USP32: variants seen among roughly 807,000 people sequenced by gnomAD.
The protein encoded by USP32 is ubiquitin specific peptidase 32.
A neutral mutation model predicts 204.8 loss-of-function variants in USP32; 59 were observed. The ratio of observed to expected loss-of-function variants is 0.29; its 90% CI spans 0.23 to 0.36. The LOEUF is 0.36. USP32 is among the 10% of genes least tolerant of loss of function. The pLI is 1.00. For missense variants in USP32, 1,160 were observed against 1,946.4 expected (o/e 0.60, Z 7.60); for synonymous variants, 517 against 678.4 (o/e 0.76, Z 3.70).
chr17:60,314,673 A>G (rs1352557033), intron 2 of USP32, among the ~76,000 whole-genome samples: 1 of 152,160 alleles, frequency 6.6e-6, no homozygotes, highest in Non-Finnish European at 1.5e-5. Context: ...GAACAGAAAC[A>G]TATTTGAAGA....
intron 2 of USP32, among the ~76,000 whole-genome samples, chr17:60,332,801 C>T (rs924153576): frequency 6.6e-6 from 1 of 152,194 alleles, no homozygotes; most frequent in African/African-American, 2.4e-5. Flanking sequence ...AACATGCATG[C>T]TATTTTTTCC....
At chr17:60,384,141 T>C (rs1269010170) in intron 1 of USP32, among the ~76,000 whole-genome samples, 2 of 152,250 alleles carry the variant, frequency 1.3e-5, no homozygotes. Flanking sequence ...TCTAGATTTT[T>C]CAGTTTAGTA....
At chr17:60,320,533 C>T (rs755212204) in intron 2 of USP32, among the ~76,000 whole-genome samples, 2 of 152,080 alleles carry the variant, frequency 1.3e-5, no homozygotes, top group Non-Finnish European at 2.9e-5. Context: ...ACGTGCACAC[C>T]GTTGGGATGA....
intron 1 of USP32, among the ~76,000 whole-genome samples, chr17:60,386,256 G>C (rs2089728698): frequency 6.6e-6 from 1 of 151,574 alleles, no homozygotes; most frequent in Non-Finnish European, 1.5e-5. Flanking sequence ...GCATAAACAA[G>C]CTCTGAAAGG....
At chr17:60,236,876 C>T (rs1005443747) in intron 11 of USP32, among the ~76,000 whole-genome samples, 1 of 152,100 alleles carries the variant, frequency 6.6e-6, no homozygotes, top group African/African-American at 2.4e-5. Flanking sequence ...GCCTCTTTGA[C>T]TTTGCGTGTT....
chr17:60,389,477 A>C (rs1288894081), intron 1 of USP32, among the ~76,000 whole-genome samples: 1 of 149,362 alleles, frequency 6.7e-6, no homozygotes, highest in Non-Finnish European at 1.5e-5. Context: ...CGGGAGGCGG[A>C]GGTTGCAGTG....
chr17:60,364,326 C>G (rs1450907775), intron 1 of USP32, among the ~76,000 whole-genome samples: 1 of 152,292 alleles, frequency 6.6e-6, no homozygotes, highest in East Asian at 1.9e-4. Context: ...TATAAGGGAA[C>G]AAACACTCAG....
chr17:60,311,273 C>T (rs2087846413), intron 2 of USP32, among the ~76,000 whole-genome samples: 1 of 151,876 alleles, frequency 6.6e-6, no homozygotes, highest in Admixed American at 6.6e-5. Context: ...TTATGCAACC[C>T]TAAAGGAAAA....
At chr17:60,239,591 G>GA (rs2085823501) in intron 11 of USP32, among the ~76,000 whole-genome samples, 1 of 152,088 alleles carries the variant, frequency 6.6e-6, no homozygotes. Context: ...GCTCATATCT[G>GA]ATGGAGAACC....
chr17:60,338,632 A>C (rs1049732768), intron 2 of USP32, among the ~76,000 whole-genome samples: 1 of 152,116 alleles, frequency 6.6e-6, no homozygotes, highest in Non-Finnish European at 1.5e-5. Context: ...TGAGAGGCTG[A>C]GGTGAGAGGA....
intron 5 of USP32, 41 bp from the exon 6 acceptor site, chr17:60,271,522 C>G: frequency 1.9e-6 from 3 of 1,602,626 alleles, no homozygotes; most frequent in South Asian, 2.2e-5. Flanking sequence ...CCTCAGAATT[C>G]TCTTCTCAGG....
chr17:60,233,191 C>G (rs1440299147), intron 12 of USP32, among the ~76,000 whole-genome samples: 1 of 152,136 alleles, frequency 6.6e-6, no homozygotes, highest in Non-Finnish European at 1.5e-5. Context: ...AAATACTTAA[C>G]AAGAGTCTGG....
At chr17:60,234,615 A>G (rs928993946) in intron 12 of USP32, among the ~76,000 whole-genome samples, 13 of 151,594 alleles carry the variant, frequency 8.6e-5, no homozygotes, top group Non-Finnish European at 4.4e-5. Context: ...CTGTAGTCCC[A>G]GCTACTCGGG....
At chr17:60,400,726 A>G (rs1034186484) in intron 1 of USP32, among the ~76,000 whole-genome samples, 3 of 152,200 alleles carry the variant, frequency 2.0e-5, no homozygotes, top group African/African-American at 7.2e-5. Flanking sequence ...TGGTATTGAA[A>G]GCTGTAAGAC....
chr17:60,339,591 AAAAAAAAAAAAGTAT>A (rs962250780), intron 2 of USP32, among the ~76,000 whole-genome samples: 10 of 151,900 alleles, frequency 6.6e-5, no homozygotes, highest in African/African-American at 2.4e-4. Flanking sequence ...CTCAAAAAAA[AAAAAAAAAAAAGTAT>A]AAACTGCCAT....
chr17:60,183,337 C>G lies in USP32; in HGVS notation c.3951G>C (p.Pro1317=), dbSNP rs539829517. Residue 1317 remains proline (P), a synonymous_variant, in exon 31 of 34, where the codon CCG becomes CCC. Transcript: ENST00000300896. ...TGAGTGGTTTATGCTGGCAGAGAGC[C>G]GGGTCTCTTGGTACCAAAAAAGCAC... ...DPSAFLVPRD[P]ALCQHKPLTP... is the part of the protein sequence containing the mutation. 4 of 1,613,956 alleles carry G rather than the reference C, an allele frequency of 2.5e-6. No individual in the cohort carries two copies. The highest frequency in any genetic ancestry group is 3.4e-6 in the Non-Finnish European group (4 of 1,179,860).
chr17:60,395,643 GC>G (rs2089895420), upstream of USP32, among the ~76,000 whole-genome samples: 3 of 152,188 alleles, frequency 2.0e-5, no homozygotes, highest in Admixed American at 6.5e-5. Flanking sequence ...GAGTTGGCCA[GC>G]CACCTCACTT....
intron 11 of USP32, among the ~76,000 whole-genome samples, chr17:60,240,115 T>A (rs1259598573): frequency 1.3e-5 from 2 of 152,248 alleles, no homozygotes; most frequent in African/African-American, 2.4e-5. Flanking sequence ...TGATTTTAAA[T>A]GTTTGTCTAC....
At chr17:60,301,745 G>C (rs2087583351) in intron 2 of USP32, 41 bp from the exon 3 acceptor site, 2 of 1,400,368 alleles carry the variant, frequency 1.4e-6, no homozygotes, top group Non-Finnish European at 2.0e-6. Flanking sequence ...AGGCATTTCA[G>C]TTGTTGAGGA....
Sources: gnomAD v4.1 joint callset for allele counts (sites outside exome capture counted in the v4.1 genomes callset) on GRCh38, gnomAD v4.1.1 for gene constraint, MANE v1.5 for transcripts, NCBI Gene and HGNC (gene_info 2026-07-23, HGNC 2026-07-21) for gene names.